TEX26: variants seen among roughly 807,000 people sequenced by gnomAD.
The protein encoded by TEX26 is testis expressed 26.
A neutral mutation model predicts 35.3 loss-of-function variants in TEX26; 34 were observed. That is an observed-to-expected ratio of 0.96 (90% CI 0.73 to 1.28). TEX26 has a LOEUF of 1.28. TEX26 is among the 50% of genes most tolerant of loss of function. The pLI, the probability that TEX26 is intolerant of heterozygous loss-of-function variation, is 0.00. For missense variants in TEX26, 371 were observed against 330.1 expected (o/e 1.12, Z -0.96); for synonymous variants, 136 against 111.8 (o/e 1.22, Z -1.36).
rs145446828 is a variant in TEX26 at position 30,939,774 on chromosome 13, A to C, written c.142A>C (p.Ile48Leu). The change falls in exon 2 of 7, where the codon ATT becomes CTT. Residue 48 changes from isoleucine (I) to leucine (L), a missense_variant. Coordinates refer to ENST00000380473, the MANE Select transcript of TEX26 (RefSeq NM_152325.3). ...TAAAACAGGAGCAGTGCCTGCCTTAATTCGGTAGATCATTATTTGTGTTGG... is the reference window on the plus strand; with the variant it reads ...TAAAACAGGAGCAGTGCCTGCCTTACTTCGGTAGATCATTATTTGTGTTGG... ...TPKTGAVPAL[I>L]RQNGIRRLGY... The C allele has an allele frequency of 5.1e-5, 83 of 1,613,284 alleles. No individual in the cohort carries two copies. The African/African-American group carries it at 1.1e-3, about 21-fold the overall frequency.
At chr13:30,966,832 A>G (rs1338323958) in intron 5 of TEX26, among the ~76,000 whole-genome samples, 1 of 152,192 alleles carries the variant, frequency 6.6e-6, no homozygotes, top group African/African-American at 2.4e-5. Context: ...CCGTTTTGGT[A>G]ATAGTCATGG....
chr13:30,950,758 C>T (rs1379618895), intron 2 of TEX26, among the ~76,000 whole-genome samples: 2 of 152,198 alleles, frequency 1.3e-5, no homozygotes, highest in Admixed American at 6.5e-5. Flanking sequence ...CAAGCCCAGA[C>T]AAGTGGTTCC....
intron 2 of TEX26, 64 bp from the exon 3 acceptor site, chr13:30,952,594 CAT>C (rs1230455869): frequency 2.3e-6 from 3 of 1,300,686 alleles, no homozygotes; most frequent in Non-Finnish European, 3.2e-6. Flanking sequence ...AATGATTTGA[CAT>C]GTGTACTTTT....
At chr13:30,944,123 C>T (rs1245892299) in intron 2 of TEX26, among the ~76,000 whole-genome samples, 1 of 151,766 alleles carries the variant, frequency 6.6e-6, no homozygotes, top group Non-Finnish European at 1.5e-5. Context: ...TTATTACTGA[C>T]TCAATCTTAC....
intron 6 of TEX26, among the ~76,000 whole-genome samples, chr13:30,970,778 C>T (rs1954687262): frequency 2.0e-5 from 3 of 152,120 alleles, no homozygotes; most frequent in Admixed American, 2.0e-4. Flanking sequence ...TAGTGGCGCC[C>T]CTGAGGGTGA....
intron 1 of TEX26, among the ~76,000 whole-genome samples, chr13:30,935,249 G>A (rs553027523): frequency 3.9e-5 from 6 of 152,382 alleles, no homozygotes; most frequent in Admixed American, 1.3e-4. Context: ...GGCAGCAGGA[G>A]GCAGACAGAG....
At chr13:30,940,774 C>T (rs191141565) in intron 2 of TEX26, among the ~76,000 whole-genome samples, 1 of 152,114 alleles carries the variant, frequency 6.6e-6, no homozygotes, top group Non-Finnish European at 1.5e-5. Flanking sequence ...CCCTTCTCTA[C>T]CTAAAATACA....
chr13:30,959,466 T>A (rs1158838727), intron 4 of TEX26, among the ~76,000 whole-genome samples: 2 of 152,264 alleles, frequency 1.3e-5, no homozygotes, highest in Non-Finnish European at 2.9e-5. Context: ...CATGTCAATA[T>A]AATTATATTA....
intron 2 of TEX26, among the ~76,000 whole-genome samples, chr13:30,940,198 A>G (rs1953426166): frequency 6.6e-6 from 1 of 151,912 alleles, no homozygotes; most frequent in South Asian, 2.1e-4. Context: ...GTCTTGGAAG[A>G]TGGAAGAAGG....
At chr13:30,948,981 C>T (rs1020922955) in intron 2 of TEX26, among the ~76,000 whole-genome samples, 1 of 152,174 alleles carries the variant, frequency 6.6e-6, no homozygotes, top group African/African-American at 2.4e-5. Flanking sequence ...TTCCCAGCAC[C>T]ATTTATTAAA....
chr13:30,963,550 A>T (rs1954426952), intron 4 of TEX26, among the ~76,000 whole-genome samples: 1 of 152,232 alleles, frequency 6.6e-6, no homozygotes, highest in African/African-American at 2.4e-5. Flanking sequence ...CCTTAAGCAT[A>T]GCTTGATCAC....
chr13:30,962,965 G>T (rs1954400803), intron 4 of TEX26, among the ~76,000 whole-genome samples: 1 of 151,812 alleles, frequency 6.6e-6, no homozygotes, highest in Non-Finnish European at 1.5e-5. Flanking sequence ...TGGGACTACA[G>T]GCACCTGCCA....
At chr13:30,964,334 C>T (rs761144482) in intron 4 of TEX26, among the ~76,000 whole-genome samples, 1 of 152,160 alleles carries the variant, frequency 6.6e-6, no homozygotes, top group Non-Finnish European at 1.5e-5. Context: ...CATATTTCCA[C>T]GTGAGATCCA....
intron 6 of TEX26, 49 bp from the exon 7 acceptor site, chr13:30,974,797 T>A: frequency 6.7e-7 from 1 of 1,486,990 alleles, no homozygotes; most frequent in East Asian, 2.5e-5. Context: ...ATTTATCATT[T>A]AAATACTTAC....
At chr13:30,940,860 C>T (rs562121671) in intron 2 of TEX26, among the ~76,000 whole-genome samples, 584 of 152,182 alleles carry the variant, frequency 3.8e-3, no homozygotes, top group Non-Finnish European at 6.1e-3. Context: ...ATTGCTTGAA[C>T]TCCGGAGGTG....
chr13:30,969,197 A>C, intron 6 of TEX26, 151 bp downstream of exon 6: 2 of 712,408 alleles, frequency 2.8e-6, no homozygotes, highest in Non-Finnish European at 4.4e-6. Context: ...GTGTTGTGCA[A>C]ACCTCAATCC....
At chr13:30,965,320 C>A (rs1366891064) in intron 4 of TEX26, among the ~76,000 whole-genome samples, 1 of 152,128 alleles carries the variant, frequency 6.6e-6, no homozygotes, top group Non-Finnish European at 1.5e-5. Flanking sequence ...CAGTAGGTAC[C>A]ATTATAAATC....
intron 6 of TEX26, among the ~76,000 whole-genome samples, chr13:30,971,778 G>A (rs2138354482): frequency 6.6e-6 from 1 of 152,188 alleles, no homozygotes; most frequent in South Asian, 2.1e-4. Context: ...TACTCATTGG[G>A]CAACTGTTTC....
chr13:30,940,322 C>CTTTTTT (rs869246492), intron 2 of TEX26, among the ~76,000 whole-genome samples: 3,642 of 52,060 alleles, frequency 0.07, 822 homozygotes, highest in Middle Eastern at 0.095. Context: ...CATCAGCTGC[C>CTTTTTT]TTTTTTTTTT....
Sources: gnomAD v4.1 joint callset for allele counts (sites outside exome capture counted in the v4.1 genomes callset) on GRCh38, gnomAD v4.1.1 for gene constraint, MANE v1.5 for transcripts, NCBI Gene and HGNC (gene_info 2026-07-23, HGNC 2026-07-21) for gene names.